The following SMAD3 variants were observed in gnomAD, a reference collection of about 807,000 sequenced individuals.
SMAD3 encodes SMAD family member 3.
Under a neutral mutation model 51.8 loss-of-function variants are expected in SMAD3, and 12 were observed. The observed-to-expected ratio is 0.23, with a 90% confidence interval of 0.15 to 0.38. The LOEUF (loss-of-function observed/expected upper bound fraction) is 0.38. SMAD3 is among the 10% of genes least tolerant of loss of function. SMAD3 has a pLI of 1.00. For synonymous variants in SMAD3, 238 were observed against 227.7 expected, an observed-to-expected ratio of 1.05 and a Z score of -0.41; for missense variants, 294 against 565.6, an observed-to-expected ratio of 0.52 and a Z score of 4.87.
intron 3 of SMAD3, chr15:67,166,132 A>G (rs1962581590): frequency 9.9e-7 from 1 of 1,006,048 alleles, no homozygotes; most frequent in Non-Finnish European, 1.2e-6. Flanking sequence ...TCAGAGTGTT[A>G]AGGAGGAGAC....
intron 1 of SMAD3, among the ~76,000 whole-genome samples, chr15:67,131,106 A>G (rs1015187600): frequency 6.6e-6 from 1 of 152,218 alleles, no homozygotes; most frequent in Non-Finnish European, 1.5e-5. Flanking sequence ...TCACTCCACA[A>G]ATATTCACGT....
At chr15:67,110,348 C>T (rs1960985318) in intron 1 of SMAD3, among the ~76,000 whole-genome samples, 1 of 152,180 alleles carries the variant, frequency 6.6e-6, no homozygotes, top group Admixed American at 6.5e-5. Flanking sequence ...AACTGCCCAC[C>T]TAGTTTTCCC....
chr15:67,159,159 C>CTGCT (rs1962361130), intron 1 of SMAD3, among the ~76,000 whole-genome samples: 1 of 152,060 alleles, frequency 6.6e-6, no homozygotes, highest in Non-Finnish European at 1.5e-5. Flanking sequence ...CAGCCTCAAC[C>CTGCT]TGCTGGGTTC....
At chr15:67,176,015 C>G (rs117903543) in intron 5 of SMAD3, among the ~76,000 whole-genome samples, 1,565 of 152,310 alleles carry the variant, frequency 0.01, 15 homozygotes, top group Non-Finnish European at 0.013. Context: ...GGTTTTTAGA[C>G]TTTGCCACTG....
intron 1 of SMAD3, among the ~76,000 whole-genome samples, chr15:67,150,894 C>T (rs1375193229): frequency 3.8e-5 from 4 of 106,648 alleles, no homozygotes; most frequent in African/African-American, 1.1e-4. Context: ...CTCTCTCTGT[C>T]GCCCAGGCTA....
chr15:67,181,341 A>G lies in SMAD3; in HGVS notation c.759A>G (p.Pro253=), dbSNP rs1260909047. Residue 253 remains proline, a synonymous_variant, in exon 6 of 9, where the codon CCA becomes CCG. Transcript: ENST00000327367. The part of the protein sequence containing the change: ...RVGETFHASQ[P]SMTVDGFTDP... ...GGGAGACATTCCACGCCTCGCAGCC[A>G]TCCATGACTGTGGATGGCTTCACCG... 6.2e-7 allele frequency: 1 copy of G among 1,613,970 alleles called. No individual in the cohort carries two copies. Among genetic ancestry groups the G allele is most frequent in the Admixed American group, 1.7e-5 (1 of 60,006 alleles).
chr15:67,101,086 C>G (rs1047921081), intron 1 of SMAD3, among the ~76,000 whole-genome samples: 1 of 152,126 alleles, frequency 6.6e-6, no homozygotes, highest in African/African-American at 2.4e-5. Flanking sequence ...ATAGAAATAT[C>G]CCAAGTCCTG....
Position 67,164,917 on chromosome 15 carries a change from G to T in SMAD3, c.229G>T (p.Val77Leu). 1 of 1,613,248 alleles carries T rather than the reference G, an allele frequency of 6.2e-7. No homozygotes were observed. Among genetic ancestry groups the T allele is most frequent in the Non-Finnish European group, 8.5e-7 (1 of 1,180,040 alleles). Residue 77 changes from valine to leucine, a missense_variant, in exon 2 of 9, where the codon GTG becomes TTG. Transcript: ENST00000327367. Reference protein sequence around the residue: ...IPRSLDGRLQVSHRKGLPHVI... With the variant: ...IPRSLDGRLQLSHRKGLPHVI... Reference sequence around the variant, plus strand: ...CAGGTCCCTGGATGGCCGGTTGCAGGTGTCCCATCGGAAGGGGCTCCCTCA... The same window carrying T: ...CAGGTCCCTGGATGGCCGGTTGCAGTTGTCCCATCGGAAGGGGCTCCCTCA...
At chr15:67,140,278 T>C (rs909221295) in intron 1 of SMAD3, among the ~76,000 whole-genome samples, 18 of 152,244 alleles carry the variant, frequency 1.2e-4, no homozygotes, top group African/African-American at 3.9e-4. Flanking sequence ...CTTTCTCTCT[T>C]CCTTCCTAGT....
At chr15:67,136,182 C>T (rs1361247680) in intron 1 of SMAD3, among the ~76,000 whole-genome samples, 1 of 152,200 alleles carries the variant, frequency 6.6e-6, no homozygotes, top group Non-Finnish European at 1.5e-5. Flanking sequence ...ATTGAAATCT[C>T]AAAATTATAA....
rs533442326 is a variant in SMAD3 at position 67,077,562 on chromosome 15, C to T, written c.206+11202C>T. Reference sequence around the variant, plus strand: ...GAACTGCTCAGAGGCAAAAAAGGGACACCAGTAACCACAGTTATGGTGGGC... The same window carrying T: ...GAACTGCTCAGAGGCAAAAAAGGGATACCAGTAACCACAGTTATGGTGGGC... On this transcript the variant is annotated intron_variant, in intron 1 of 8. Transcript: ENST00000327367. 2.0e-4 allele frequency among the ~76,000 whole-genome samples: 30 copies of T among 152,302 alleles called. 1 individual carries two copies. Among genetic ancestry groups the T allele is most frequent in the African/African-American group, 7.0e-4 (29 of 41,560 alleles).
chr15:67,150,844 A>ATTTT (rs1962117313), intron 1 of SMAD3, among the ~76,000 whole-genome samples: 3 of 15,256 alleles, frequency 2.0e-4, no homozygotes, highest in East Asian at 1.1e-3. Flanking sequence ...GCTATTTCTC[A>ATTTT]GTCTTTTTTT....
At chr15:67,142,257 T>C (rs965720395) in intron 1 of SMAD3, among the ~76,000 whole-genome samples, 7 of 148,548 alleles carry the variant, frequency 4.7e-5, no homozygotes, top group African/African-American at 1.7e-4. Context: ...AGCTAGGTTT[T>C]TTTTTTCCCC....
At chr15:67,154,317 T>C (rs748592542) in intron 1 of SMAD3, among the ~76,000 whole-genome samples, 15 of 152,186 alleles carry the variant, frequency 9.9e-5, no homozygotes, top group Non-Finnish European at 2.1e-4. Context: ...CAGATGAAAA[T>C]TGAGTTGTTC....
intron 1 of SMAD3, among the ~76,000 whole-genome samples, chr15:67,099,228 G>A (rs1960694787): frequency 1.3e-5 from 2 of 152,192 alleles, no homozygotes; most frequent in African/African-American, 2.4e-5. Flanking sequence ...GCTGATTATG[G>A]GGAAAAGCAG....
At chr15:67,158,882 A>G (rs939473020) in intron 1 of SMAD3, among the ~76,000 whole-genome samples, 1 of 152,186 alleles carries the variant, frequency 6.6e-6, no homozygotes, top group Non-Finnish European at 1.5e-5. Context: ...GCCGGCCACT[A>G]TCATAGTAAG....
At chr15:67,083,309 C>T (rs977664540) in intron 1 of SMAD3, among the ~76,000 whole-genome samples, 11 of 152,212 alleles carry the variant, frequency 7.2e-5, no homozygotes, top group Non-Finnish European at 1.5e-4. Flanking sequence ...GACCAGTGGT[C>T]TCAGATGTTT....
chr15:67,107,965 T>TGGGGG, intron 1 of SMAD3, among the ~76,000 whole-genome samples: 1 of 124,720 alleles, frequency 8.0e-6, no homozygotes, highest in Admixed American at 8.3e-5. Context: ...TGCTCTCCTC[T>TGGGGG]CCCCCCCACC....
At position 67,110,904 on chromosome 15, in the gene SMAD3, CAT is replaced by C. The variant is rs1197364771; in HGVS notation, c.206+44545_206+44546del. Among the ~76,000 whole-genome samples the C allele has an allele frequency of 2.6e-5, 4 of 152,330 alleles. No individual in the cohort carries two copies. In the East Asian group the frequency reaches 5.8e-4, roughly 22 times the overall value. ...TAACATCTTGTATTACCATGGTACA[CAT>C]GTCAAAACTCAGAAACAACATTGGT... is the stretch of plus-strand genomic sequence containing the variant. On this transcript the variant is annotated intron_variant, in intron 1 of 8. Coordinates refer to ENST00000327367, the MANE Select transcript of SMAD3 (RefSeq NM_005902.4).
Sources: allele counts gnomAD v4.1 joint callset (sites outside exome capture counted in the v4.1 genomes callset), GRCh38; gene constraint gnomAD v4.1.1; transcripts MANE v1.5; gene names NCBI Gene and HGNC (gene_info 2026-07-23, HGNC 2026-07-21).